The following NOL4 variants were observed in gnomAD, a reference collection of about 807,000 sequenced individuals.
The protein encoded by NOL4 is cancer/testis antigen 125.
A neutral mutation model predicts 75.9 loss-of-function variants in NOL4; 17 were observed. The ratio of observed to expected loss-of-function variants is 0.22; its 90% CI spans 0.15 to 0.34. The LOEUF (loss-of-function observed/expected upper bound fraction) is 0.34, where lower values mean the gene tolerates loss of function less well. Among genes scored for constraint, NOL4 ranks in the 10% least tolerant of loss-of-function variants. The probability of loss-of-function intolerance (pLI) is 1.00; values close to 1 mark genes in which losing one functional copy is unlikely to be tolerated. For synonymous variants in NOL4, 292 were observed against 289.9 expected (o/e 1.01, Z -0.07); for missense variants, 614 against 793.5 (o/e 0.77, Z 2.72).
chr18:33,984,405 T>C (rs955740876), intron 6 of NOL4, among the ~76,000 whole-genome samples: 1 of 152,108 alleles, frequency 6.6e-6, no homozygotes, highest in African/African-American at 2.4e-5. Flanking sequence ...TGATAGGTTT[T>C]GGATCTGTGT....
chr18:34,008,469 GATA>G (rs1315499744), intron 6 of NOL4, among the ~76,000 whole-genome samples: 1 of 151,672 alleles, frequency 6.6e-6, no homozygotes, highest in Admixed American at 6.6e-5. Context: ...TAACACCAGT[GATA>G]ATATCTTAGT....
At chr18:33,967,962 T>G (rs544884421) in intron 6 of NOL4, among the ~76,000 whole-genome samples, 16 of 151,972 alleles carry the variant, frequency 1.1e-4, no homozygotes, top group Non-Finnish European at 2.1e-4. Flanking sequence ...GGCGGGCACC[T>G]CTAGTCCCAG....
chr18:33,982,256 G>A (rs1394532112), intron 6 of NOL4, among the ~76,000 whole-genome samples: 1 of 151,996 alleles, frequency 6.6e-6, no homozygotes, highest in Non-Finnish European at 1.5e-5. Context: ...ACCAATGAAA[G>A]AACAGAGATA....
chr18:33,991,891 T>C (rs909429769), intron 6 of NOL4, among the ~76,000 whole-genome samples: 2 of 152,006 alleles, frequency 1.3e-5, no homozygotes, highest in African/African-American at 4.8e-5. Context: ...TGTACATGGA[T>C]AGGTTATCAA....
intron 1 of NOL4, among the ~76,000 whole-genome samples, chr18:34,190,564 G>A (rs532235243): frequency 3.3e-5 from 5 of 151,874 alleles, no homozygotes; most frequent in South Asian, 2.1e-4. Flanking sequence ...TATCAGTAAC[G>A]TTTATCTGTT....
chr18:33,954,261 G>A (rs2066823406), intron 8 of NOL4, among the ~76,000 whole-genome samples: 1 of 152,192 alleles, frequency 6.6e-6, no homozygotes, highest in South Asian at 2.1e-4. Context: ...GTCTATACGT[G>A]TTCAATACAG....
intron 5 of NOL4, among the ~76,000 whole-genome samples, chr18:34,050,954 G>C (rs114984409): frequency 6.6e-6 from 1 of 151,968 alleles, no homozygotes; most frequent in Non-Finnish European, 1.5e-5. Context: ...CTAGACTTTG[G>C]CTAGACACTG....
intron 6 of NOL4, among the ~76,000 whole-genome samples, chr18:33,974,477 TG>T (rs1388006703): frequency 6.6e-6 from 1 of 152,068 alleles, no homozygotes; most frequent in Non-Finnish European, 1.5e-5. Context: ...GGGAGAGAGA[TG>T]GGGGAACAGC....
In NOL4 at chr18:33,910,354, G is replaced by A. The variant is rs570236865; in HGVS notation, c.1543-26930C>T. On this transcript the variant is annotated intron_variant, in intron 9 of 10. Transcript: ENST00000261592. The stretch of plus-strand genomic sequence containing the variant: ...AGTGAAACACACCGACAAGAGTCTA[G>A]TGTTTGAAAGATAACAGTGCGTGGC... Among the ~76,000 whole-genome samples, 5 of 152,236 alleles carry A rather than the reference G, an allele frequency of 3.3e-5. No homozygotes were observed. The South Asian group carries it at 1.0e-3, about 32-fold the overall frequency.
chr18:34,020,953 G>T (rs1052872226), intron 5 of NOL4, among the ~76,000 whole-genome samples: 3 of 152,092 alleles, frequency 2.0e-5, no homozygotes, highest in Admixed American at 6.5e-5. Context: ...CAATACTTGT[G>T]ATTTTTAATT....
intron 8 of NOL4, among the ~76,000 whole-genome samples, chr18:33,949,119 G>C (rs2069034027): frequency 6.6e-6 from 1 of 151,968 alleles, no homozygotes; most frequent in South Asian, 2.1e-4. Context: ...CCCCACTATG[G>C]GTGTTATGCA....
Position 34,019,394 on chromosome 18 carries a change from T to A in NOL4, c.980A>T (p.Asn327Ile), listed in dbSNP as rs2074902603. 1 of 1,613,876 alleles carries A rather than the reference T, an allele frequency of 6.2e-7. No individual in the cohort carries two copies. Among genetic ancestry groups the A allele is most frequent in the Non-Finnish European group, 8.5e-7 (1 of 1,179,962 alleles). The change falls in exon 6 of 11, where the codon AAT becomes ATT. Residue 327 changes from asparagine to isoleucine, a missense_variant. Asn to Ile is a moderately radical substitution (Grantham distance 149). Around this residue, in one of 9 missense-constraint regions of NOL4, gnomAD observed 196 missense variants for 167.9 expected, o/e 1.17. Coordinates refer to ENST00000261592, the MANE Select transcript of NOL4 (RefSeq NM_003787.5). ...AAGATTCTTATACTTGTTTTTCCCA[T>A]TACTGTTGTGATCATCTATTCTGTA... ...SEYRIDDHNS[N>I]GKNKYKNLLI...
At chr18:33,898,140 T>C (rs1008364665) in intron 9 of NOL4, among the ~76,000 whole-genome samples, 4 of 152,140 alleles carry the variant, frequency 2.6e-5, no homozygotes, top group African/African-American at 4.8e-5. Context: ...CTCAAACTCC[T>C]GAGCTCAAGC....
chr18:33,940,337 T>A (rs1393596826), intron 9 of NOL4, among the ~76,000 whole-genome samples: 2 of 152,076 alleles, frequency 1.3e-5, no homozygotes, highest in Non-Finnish European at 2.9e-5. Context: ...AAAGAAAATG[T>A]GGCACATATA....
chr18:33,904,255 C>G (rs890688369), intron 9 of NOL4, among the ~76,000 whole-genome samples: 2 of 152,040 alleles, frequency 1.3e-5, no homozygotes, highest in African/African-American at 2.4e-5. Context: ...AGCCACACTA[C>G]CCCAGCAATG....
At chr18:33,862,509 G>A (rs548673101) in intron 10 of NOL4, among the ~76,000 whole-genome samples, 15 of 152,106 alleles carry the variant, frequency 9.9e-5, no homozygotes, top group South Asian at 4.2e-4. Flanking sequence ...GAAAATTTTC[G>A]CAACCTACTC....
chr18:33,903,899 A>G (rs916006437), intron 9 of NOL4, among the ~76,000 whole-genome samples: 2 of 152,136 alleles, frequency 1.3e-5, no homozygotes, highest in Non-Finnish European at 2.9e-5. Context: ...CCCTCCCTCT[A>G]TGCCCAGGGA....
Position 34,200,590 on chromosome 18 carries a change from CT to C in NOL4, c.264+22399del, listed in dbSNP as rs537193054. 1.1e-3 allele frequency among the ~76,000 whole-genome samples: 170 copies of C among 151,700 alleles called. 1 individual carries two copies. The highest frequency in any genetic ancestry group is 5.9e-4 in the Non-Finnish European group (40 of 67,688). ...GGTCTCCTGCTTAACTTTTACGAAT[CT>C]TTTACTAGTCCATAAAACTAAAAAG... On this transcript the variant is annotated intron_variant, in intron 1 of 10. Coordinates refer to ENST00000261592, the MANE Select transcript of NOL4 (RefSeq NM_003787.5).
intron 2 of NOL4, among the ~76,000 whole-genome samples, chr18:34,111,570 C>T (rs959157610): frequency 6.6e-6 from 1 of 152,022 alleles, no homozygotes; most frequent in Non-Finnish European, 1.5e-5. Flanking sequence ...TGCTCTTGGG[C>T]TTCCTAGGTT....
Sources: gnomAD v4.1 joint callset for allele counts (sites outside exome capture counted in the v4.1 genomes callset) on GRCh38, gnomAD v4.1.1 for gene constraint, gnomAD v4.1.1 regional missense constraint, MANE v1.5 for transcripts, NCBI Gene and HGNC (gene_info 2026-07-23, HGNC 2026-07-21) for gene names.